The following PTPRM variants were observed in gnomAD, a reference collection of about 807,000 sequenced individuals.
The protein encoded by PTPRM is protein tyrosine phosphatase receptor type M.
In PTPRM, 47 loss-of-function variants were observed where a neutral mutation model predicts 186.7. The observed-to-expected ratio is 0.25, with a 90% CI of 0.20 to 0.32. The LOEUF is 0.32. Ranked by LOEUF, PTPRM falls within the 10% of genes least tolerant of loss-of-function variation. The pLI, the probability that PTPRM is intolerant of heterozygous loss-of-function variation, is 1.00. For missense variants in PTPRM, 1,494 were observed against 1,865.0 expected (o/e 0.80, Z 3.66); for synonymous variants, 668 against 674.9 (o/e 0.99, Z 0.16).
At chr18:7,987,880 T>A (rs1052833650) in intron 7 of PTPRM, among the ~76,000 whole-genome samples, 5 of 152,032 alleles carry the variant, frequency 3.3e-5, no homozygotes, top group South Asian at 4.2e-4. Flanking sequence ...CAAATATGTA[T>A]TTGAAAATGT....
chr18:8,011,276 T>C (rs907804663), intron 7 of PTPRM, among the ~76,000 whole-genome samples: 1 of 152,142 alleles, frequency 6.6e-6, no homozygotes, highest in African/African-American at 2.4e-5. Flanking sequence ...AAACCGCAGC[T>C]GAAATATCAA....
At chr18:8,008,014 G>A (rs2084293739) in intron 7 of PTPRM, among the ~76,000 whole-genome samples, 1 of 152,044 alleles carries the variant, frequency 6.6e-6, no homozygotes, top group African/African-American at 2.4e-5. Context: ...GCACATCTTT[G>A]CCTATTTTTT....
At chr18:8,054,992 CTT>C (rs146216305) in intron 7 of PTPRM, among the ~76,000 whole-genome samples, 3,333 of 152,144 alleles carry the variant, frequency 0.022, 51 homozygotes, top group African/African-American at 0.047. Context: ...GTCTAGAACT[CTT>C]TGTTCAATCT....
intron 1 of PTPRM, among the ~76,000 whole-genome samples, chr18:7,664,838 G>A (rs1598329634): frequency 6.6e-6 from 1 of 152,184 alleles, no homozygotes; most frequent in Admixed American, 6.5e-5. Flanking sequence ...ATCTGCCACC[G>A]TAAGATGGTA....
intron 31 of PTPRM, among the ~76,000 whole-genome samples, chr18:8,389,247 G>A (rs2095796788): frequency 6.6e-6 from 1 of 152,178 alleles, no homozygotes; most frequent in Admixed American, 6.5e-5. Context: ...CTCCCCCCGG[G>A]ATTAGCAGCT....
At chr18:8,158,779 G>A (rs1458055875) in intron 14 of PTPRM, among the ~76,000 whole-genome samples, 4 of 152,192 alleles carry the variant, frequency 2.6e-5, no homozygotes, top group Non-Finnish European at 5.9e-5. Context: ...ACAAGCAGGC[G>A]TGTCCCATGG....
intron 1 of PTPRM, among the ~76,000 whole-genome samples, chr18:7,726,299 G>T (rs971977790): frequency 6.6e-6 from 1 of 151,994 alleles, no homozygotes; most frequent in African/African-American, 2.4e-5. Flanking sequence ...TTTCAAAAAC[G>T]TTTTCAGATC....
rs564023971 is a variant in PTPRM at position 8,376,173 on chromosome 18, G to A, written c.3299G>A (p.Ser1100Asn). Residue 1100 changes from serine to asparagine, a missense_variant, in exon 25 of 33, where the codon AGT becomes AAT. By Grantham distance (46) the Ser-to-Asn change is conservative. Around this residue, in one of 3 missense-constraint regions of PTPRM, gnomAD observed 1,107 missense variants for 1,350.2 expected, o/e 0.82. Coordinates refer to ENST00000580170, the MANE Select transcript of PTPRM (RefSeq NM_001105244.2). ...VRQVKSKSPP[S>N]AGPLVVHCSA... is the part of the protein sequence containing the mutation. ...CAAGTCAAGTCCAAGAGCCCGCCCA[G>A]TGCAGGCCCACTGGTGGTGCACTGC... is the stretch of plus-strand genomic sequence containing the variant. 8 of 1,613,036 alleles carry A rather than the reference G, an allele frequency of 5.0e-6. No individual in the cohort carries two copies. In the Admixed American group the frequency reaches 8.3e-5, roughly 17 times the overall value.
intron 14 of PTPRM, among the ~76,000 whole-genome samples, chr18:8,155,611 C>G (rs2093104323): frequency 6.6e-6 from 1 of 152,176 alleles, no homozygotes; most frequent in African/African-American, 2.4e-5. Context: ...TTAAACAATG[C>G]TAGCACTACC....
At chr18:7,738,322 G>A (rs1011955944) in intron 1 of PTPRM, among the ~76,000 whole-genome samples, 16 of 152,344 alleles carry the variant, frequency 1.1e-4, no homozygotes, top group African/African-American at 3.6e-4. Flanking sequence ...GCTGGTTGTG[G>A]AAGCGTTTTC....
intron 2 of PTPRM, among the ~76,000 whole-genome samples, chr18:7,816,691 T>G (rs2044845154): frequency 6.6e-6 from 1 of 152,202 alleles, no homozygotes; most frequent in Non-Finnish European, 1.5e-5. Context: ...GTTTGCTTCC[T>G]TAACACTTTT....
intron 7 of PTPRM, among the ~76,000 whole-genome samples, chr18:8,061,291 T>C (rs2088479431): frequency 1.0e-5 from 1 of 98,360 alleles, no homozygotes. Flanking sequence ...CTGCCTTTTT[T>C]TGTTTTCCAT....
chr18:8,152,535 C>CT (rs1258621434), intron 14 of PTPRM, among the ~76,000 whole-genome samples: 1 of 152,096 alleles, frequency 6.6e-6, no homozygotes. Flanking sequence ...CCGTTTATCT[C>CT]TTTTTCTACC....
At chr18:7,699,538 A>C (rs895139793) in intron 1 of PTPRM, among the ~76,000 whole-genome samples, 1 of 151,918 alleles carries the variant, frequency 6.6e-6, no homozygotes, top group African/African-American at 2.4e-5. Flanking sequence ...CCTCCTGAGT[A>C]GTTGGGACTA....
intron 2 of PTPRM, among the ~76,000 whole-genome samples, chr18:7,867,323 C>G (rs996211482): frequency 6.6e-6 from 1 of 152,194 alleles, no homozygotes. Flanking sequence ...CATGTTTTTG[C>G]AGTGGCTGGT....
At chr18:8,149,794 C>G (rs922806515) in intron 14 of PTPRM, among the ~76,000 whole-genome samples, 78 of 152,192 alleles carry the variant, frequency 5.1e-4, no homozygotes, top group African/African-American at 1.7e-3. Flanking sequence ...ACCGGTTGTT[C>G]CTTTTCATGT....
chr18:8,289,573 T>TAC (rs1318344496), intron 19 of PTPRM, among the ~76,000 whole-genome samples: 2,499 of 109,134 alleles, frequency 0.023, 53 homozygotes, highest in South Asian at 0.031. Context: ...CATATATATA[T>TAC]ATACATATAT....
chr18:8,310,073 A>G (rs2095256469), intron 20 of PTPRM, among the ~76,000 whole-genome samples: 2 of 152,106 alleles, frequency 1.3e-5, no homozygotes, highest in South Asian at 2.1e-4. Context: ...ATCTTAGTCA[A>G]TGGCACCATC....
intron 14 of PTPRM, among the ~76,000 whole-genome samples, chr18:8,153,488 T>C (rs1455450635): frequency 1.3e-5 from 2 of 152,210 alleles, no homozygotes; most frequent in Admixed American, 6.5e-5. Context: ...ATAATAATCT[T>C]AAAAGGGTTG....
Sources: allele counts gnomAD v4.1 joint callset (sites outside exome capture counted in the v4.1 genomes callset), GRCh38; gene constraint gnomAD v4.1.1; regional missense constraint gnomAD v4.1.1; transcripts MANE v1.5; gene names NCBI Gene and HGNC (gene_info 2026-07-23, HGNC 2026-07-21).